CLVS2: variants seen among roughly 807,000 people sequenced by gnomAD.
The protein encoded by CLVS2 is clavesin-2.
CLVS2 carries 19 observed loss-of-function variants against 29.0 expected under a neutral mutation model. The ratio of observed to expected loss-of-function variants is 0.66; its 90% CI spans 0.46 to 0.96. The LOEUF (loss-of-function observed/expected upper bound fraction) is 0.96. CLVS2 is among the 40% of genes least tolerant of loss of function. The probability of loss-of-function intolerance (pLI) is 0.00; values close to 1 mark genes in which losing one functional copy is unlikely to be tolerated. For missense variants in CLVS2, 294 were observed against 404.1 expected (o/e 0.73, Z 2.34); for synonymous variants, 161 against 151.3 (o/e 1.06, Z -0.47).
rs1772942247 is a variant in CLVS2 at position 123,071,209 on chromosome 6, A to G, written c.*7448A>G. ...TCCAAAATGATTTCATGAGGATCCT[A>G]ATTTGTTTCAGCAAGTTATGTAACG... On this transcript the variant is annotated 3_prime_UTR_variant, in exon 6 of 6. Coordinates refer to ENST00000275162, the MANE Select transcript of CLVS2 (RefSeq NM_001010852.4). 1 of 152,038 alleles carries G rather than the reference A, an allele frequency of 6.6e-6. No homozygotes were observed. Among genetic ancestry groups the G allele is most frequent in the Admixed American group, 6.6e-5 (1 of 15,234 alleles). 9.4% of individuals were successfully genotyped at this position (152,038 alleles called of 1,614,324 possible). A position where few individuals can be genotyped will look rare whatever the true frequency, so the allele number is the denominator to read the frequency against.
chr6:123,066,110 A>T lies in CLVS2; in HGVS notation c.*2349A>T, dbSNP rs1407124756. The T allele has an allele frequency of 6.6e-6, 1 of 151,726 alleles. No homozygotes were observed. 9.4% of individuals were successfully genotyped at this position (151,726 alleles called of 1,614,324 possible). ...CTTTTGAAATTACCATATCTAGTTC[A>T]TTCTGTGAATAAACTCATTTTCTAG... On this transcript the variant is annotated 3_prime_UTR_variant, in exon 6 of 6. Transcript: ENST00000275162.
chr6:123,008,489 A>G (rs1051231475), intron 2 of CLVS2, among the ~76,000 whole-genome samples: 3 of 152,106 alleles, frequency 2.0e-5, no homozygotes, highest in Non-Finnish European at 4.4e-5. Flanking sequence ...TTTTTACTAC[A>G]TACAATGTAT....
In CLVS2 at chr6:123,000,923, T is replaced by C. The variant is rs562459122; in HGVS notation, c.389+2757T>C. Among the ~76,000 whole-genome samples the C allele has an allele frequency of 1.2e-4, 18 of 152,348 alleles. No individual in the cohort carries two copies. The East Asian group carries it at 3.1e-3, about 26-fold the overall frequency. ...GCGGAAGAAAATGCCTCAGTTTATT[T>C]GGAAAACAGGTTATTTATAATTTTC... On this transcript the variant is annotated intron_variant, in intron 2 of 5. Transcript: ENST00000275162.
rs1391692905 is a variant in CLVS2, at chr6:122,998,053, C to T, written c.276C>T (p.Thr92=). 7 of 1,614,054 alleles carry T rather than the reference C, an allele frequency of 4.3e-6. No homozygotes were observed. Among genetic ancestry groups the T allele is most frequent in the East Asian group, 2.2e-5 (1 of 44,880 alleles). Residue 92 remains threonine (T), a synonymous_variant, in exon 2 of 6, where the codon ACC becomes ACT. Transcript: ENST00000275162. ...ACATGTTCAAAAGCTTTAAGGCCAC[C>T]GACCCTGGCATCAAGCAGGCACTGA... ...NLDMFKSFKA[T]DPGIKQALKD...
rs183043897 is a variant in CLVS2 at position 123,032,202 on chromosome 6, C to T, written c.565-16420C>T. Among the ~76,000 whole-genome samples, 18 of 152,042 alleles carry T rather than the reference C, an allele frequency of 1.2e-4. No individual in the cohort carries two copies. In the East Asian group the frequency reaches 2.3e-3, roughly 20 times the overall value. On this transcript the variant is annotated intron_variant, in intron 3 of 5. Transcript: ENST00000275162. ...CATTTATAGTGCCTTTGATTTTTCCCGGTAGGCTTTTATCTCCTTTTCCTA... is the reference window on the plus strand; with the variant it reads ...CATTTATAGTGCCTTTGATTTTTCCTGGTAGGCTTTTATCTCCTTTTCCTA...
In CLVS2 at chr6:122,996,379, G is replaced by A. The variant is rs1774504731; in HGVS notation, c.-927G>A. ...CCCACCTCCCCGGCTGCTCCCGGAGGGCTCACAAAGGCGGTGGCCGCCCGA... is the reference window on the plus strand; with the variant it reads ...CCCACCTCCCCGGCTGCTCCCGGAGAGCTCACAAAGGCGGTGGCCGCCCGA... On this transcript the variant is annotated 5_prime_UTR_variant, in exon 1 of 6. Coordinates refer to ENST00000275162, the MANE Select transcript of CLVS2 (RefSeq NM_001010852.4). 1 of 152,500 alleles carries A rather than the reference G, an allele frequency of 6.6e-6. No individual in the cohort carries two copies. The highest frequency in any genetic ancestry group is 2.4e-5 in the African/African-American group (1 of 41,460). The allele number at this position is 152,500 out of a possible 1,614,324, so 9.4% of individuals were successfully genotyped here.
intron 3 of CLVS2, among the ~76,000 whole-genome samples, chr6:123,027,632 G>T (rs556607434): frequency 3.9e-5 from 6 of 152,114 alleles, no homozygotes; most frequent in Admixed American, 2.6e-4. Flanking sequence ...ATTCTCTCTG[G>T]TCCACTGGTT....
rs1036591974 is a variant in CLVS2 at position 123,064,901 on chromosome 6, A to G, written c.*1140A>G. On this transcript the variant is annotated 3_prime_UTR_variant, in exon 6 of 6. Transcript: ENST00000275162. Reference sequence around the variant, plus strand: ...AAGTTAATTTATAATGCAATCTTACATATGTGCCATCTTATTTGAACTATA... The same window carrying G: ...AAGTTAATTTATAATGCAATCTTACGTATGTGCCATCTTATTTGAACTATA... 1.3e-5 allele frequency: 2 copies of G among 151,888 alleles called. No individual in the cohort carries two copies. Among genetic ancestry groups the G allele is most frequent in the African/African-American group, 2.4e-5 (1 of 41,428 alleles). 9.4% of individuals were successfully genotyped at this position (151,888 alleles called of 1,614,324 possible).
At chr6:123,028,334 T>C (rs1392494826) in intron 3 of CLVS2, among the ~76,000 whole-genome samples, 1 of 152,182 alleles carries the variant, frequency 6.6e-6, no homozygotes, top group Non-Finnish European at 1.5e-5. Context: ...TTTTAGCATT[T>C]GAAGGAAACT....
chr6:123,021,403 A>G (rs1036848832), intron 3 of CLVS2, among the ~76,000 whole-genome samples: 2 of 151,960 alleles, frequency 1.3e-5, no homozygotes, highest in Non-Finnish European at 2.9e-5. Flanking sequence ...TTATGTGTCC[A>G]CCAGACACTT....
chr6:123,032,094 T>C (rs1401667665), intron 3 of CLVS2, among the ~76,000 whole-genome samples: 1 of 152,134 alleles, frequency 6.6e-6, no homozygotes, highest in Admixed American at 6.6e-5. Context: ...GCAGCGCTAA[T>C]ATCCTAGATT....
rs756593513 is a variant in CLVS2, at chr6:123,063,659, C to T, written c.897-15C>T. On this transcript the variant is annotated splice_polypyrimidine_tract_variant and intron_variant, in intron 5 of 5. Coordinates refer to ENST00000275162, the MANE Select transcript of CLVS2 (RefSeq NM_001010852.4). The stretch of plus-strand genomic sequence containing the variant: ...CCTGGTAATAACTCACTGACGTTGG[C>T]TTTATCCTTTCCAGATCTCAATCAG... 1.9e-6 allele frequency: 3 copies of T among 1,547,756 alleles called. No homozygotes were observed. Among genetic ancestry groups the T allele is most frequent in the Non-Finnish European group, 2.7e-6 (3 of 1,123,326 alleles).
At chr6:123,021,861 G>C (rs573708038) in intron 3 of CLVS2, among the ~76,000 whole-genome samples, 8 of 151,880 alleles carry the variant, frequency 5.3e-5, no homozygotes, top group Non-Finnish European at 8.8e-5. Context: ...TTTTTTTCCT[G>C]ATATTTGGCT....
chr6:123,058,218 G>T lies in CLVS2; in HGVS notation c.896+2192G>T, dbSNP rs149760195. On this transcript the variant is annotated intron_variant, in intron 5 of 5. Coordinates refer to ENST00000275162, the MANE Select transcript of CLVS2 (RefSeq NM_001010852.4). The stretch of plus-strand genomic sequence containing the variant: ...GATACTGCATCCTCAACGTTAGGTA[G>T]TCTATATATAGTGGAGCAGAGGGCT... Among the ~76,000 whole-genome samples the T allele has an allele frequency of 5.9e-5, 9 of 152,184 alleles. No homozygotes were observed. In the East Asian group the frequency reaches 1.7e-3, roughly 29 times the overall value.
intron 3 of CLVS2, among the ~76,000 whole-genome samples, chr6:123,018,147 GA>G (rs893937793): frequency 2.0e-5 from 3 of 152,126 alleles, no homozygotes; most frequent in Non-Finnish European, 2.9e-5. Flanking sequence ...ATGAAAAACT[GA>G]ACAAAGCATA....
chr6:123,063,707 A>G lies in CLVS2; in HGVS notation c.930A>G (p.Lys310=), dbSNP rs151188873. ...CAGTAGTGGATCCTACAGTACTAAA[A>G]CGCATGGATAAAAATGAGGAAGAAA... The part of the protein sequence containing the change: ...SQSVVDPTVL[K]RMDKNEEENM... Residue 310 remains lysine (K), a synonymous_variant, in exon 6 of 6, where the codon AAA becomes AAG. Coordinates refer to ENST00000275162, the MANE Select transcript of CLVS2 (RefSeq NM_001010852.4). 1.9e-6 allele frequency: 3 copies of G among 1,612,282 alleles called. No homozygotes were observed. The African/African-American group carries it at 4.0e-5, about 22-fold the overall frequency.
At chr6:123,014,721 G>T (rs143700371) in intron 3 of CLVS2, among the ~76,000 whole-genome samples, 1 of 152,198 alleles carries the variant, frequency 6.6e-6, no homozygotes, top group East Asian at 1.9e-4. Context: ...TCACAAGTCA[G>T]TGACTACATA....
chr6:123,041,313 C>A (rs538987768), intron 3 of CLVS2, among the ~76,000 whole-genome samples: 2 of 152,250 alleles, frequency 1.3e-5, no homozygotes, highest in East Asian at 3.9e-4. Flanking sequence ...CTTCTGCCTT[C>A]AAAATGTTAG....
chr6:123,050,384 T>C (rs958373756), intron 4 of CLVS2, among the ~76,000 whole-genome samples: 11 of 152,208 alleles, frequency 7.2e-5, no homozygotes, highest in Admixed American at 7.2e-4. Flanking sequence ...ACTCATTTAG[T>C]ACTTACGACA....
Sources: allele counts gnomAD v4.1 joint callset (sites outside exome capture counted in the v4.1 genomes callset), GRCh38; gene constraint gnomAD v4.1.1; transcripts MANE v1.5; gene names NCBI Gene and HGNC (gene_info 2026-07-23, HGNC 2026-07-21).